The following MYH1 variants were observed in gnomAD, a reference collection of about 807,000 sequenced individuals.
The protein encoded by MYH1 is myosin-1.
In MYH1, 214 loss-of-function variants were observed where a neutral mutation model predicts 225.6. That is an observed-to-expected ratio of 0.95 (90% CI 0.85 to 1.06). The LOEUF (loss-of-function observed/expected upper bound fraction) is 1.06, where lower values mean the gene tolerates loss of function less well. Ranked by LOEUF, MYH1 falls within the 50% of genes least tolerant of loss-of-function variation. MYH1 has a pLI of 0.00. For missense variants in MYH1, 2,098 were observed against 2,344.2 expected (o/e 0.89, Z 2.17); for synonymous variants, 774 against 842.3 (o/e 0.92, Z 1.40).
intron 27 of MYH1, 69 bp downstream of exon 27, chr17:10,501,041 A>T (rs1234392345): frequency 1.9e-6 from 3 of 1,582,390 alleles, no homozygotes; most frequent in Non-Finnish European, 2.6e-6. Context: ...CGTTTTTGAG[A>T]TACAAATCAT....
rs562523213 is a variant in MYH1 at position 10,504,566 on chromosome 17, G to T, written c.2691+244C>A. Among the ~76,000 whole-genome samples the T allele has an allele frequency of 2.0e-5, 3 of 152,294 alleles. No homozygotes were observed. In the East Asian group the frequency reaches 5.8e-4, roughly 29 times the overall value. ...TCACTTTATTTCCTGTTCACATTCT[G>T]CTGTAGAAAACAACAGAGGGGAAGG... On this transcript the variant is annotated intron_variant, in intron 22 of 39. Transcript: ENST00000226207.
chr17:10,512,438 C>T lies in MYH1; in HGVS notation c.1117G>A (p.Glu373Lys). ...GNMKFKQKQR[E>K]EQAEPDGTEV... ...GTGCCATCTGGCTCAGCTTGCTCCT[C>T]ACGCTGCTTTTGCTTGAATTTCATG... Residue 373 changes from glutamate to lysine, a missense_variant, in exon 12 of 40, where the codon GAG (glutamate) becomes AAG (lysine). Glu to Lys is a moderately conservative substitution (Grantham distance 56). Transcript: ENST00000226207. 1 of 1,614,156 alleles carries T rather than the reference C, an allele frequency of 6.2e-7. No individual in the cohort carries two copies. Among genetic ancestry groups the T allele is most frequent in the Non-Finnish European group, 8.5e-7 (1 of 1,180,006 alleles).
At chr17:10,503,462 A>G (rs2073078208) in intron 22 of MYH1, among the ~76,000 whole-genome samples, 2 of 152,228 alleles carry the variant, frequency 1.3e-5, no homozygotes, top group African/African-American at 4.8e-5. Context: ...TGTTACAATT[A>G]TATTTGTTAT....
rs764922578 is a variant in MYH1 at position 10,501,505 on chromosome 17, A to G, written c.3349-6T>C. On this transcript the variant is annotated splice_polypyrimidine_tract_variant and splice_region_variant and intron_variant, in intron 26 of 39. Coordinates refer to ENST00000226207, the MANE Select transcript of MYH1 (RefSeq NM_005963.4). Reference sequence around the variant, plus strand: ...TCCAGCTCCTCAATGCGGGCCTGGGAATGGTGAAAAATATTAATACGAACT... The same window carrying G: ...TCCAGCTCCTCAATGCGGGCCTGGGGATGGTGAAAAATATTAATACGAACT... The G allele has an allele frequency of 1.2e-6, 2 of 1,614,130 alleles. No homozygotes were observed. The highest frequency in any genetic ancestry group is 1.7e-6 in the Non-Finnish European group (2 of 1,180,026).
At chr17:10,506,141 T>A (rs770942629) in intron 17 of MYH1, 42 bp from the exon 18 acceptor site, 2 of 1,605,556 alleles carry the variant, frequency 1.2e-6, no homozygotes, top group Non-Finnish European at 1.7e-6. Flanking sequence ...AATGTACTGT[T>A]TTCTACATTC....
At chr17:10,495,770 A>AAAAAAAAAAAAAAAAAAAAAAAAAG (rs2072984589) in intron 35 of MYH1, among the ~76,000 whole-genome samples, 180 bp downstream of exon 35, 1 of 149,534 alleles carries the variant, frequency 6.7e-6, no homozygotes, top group Non-Finnish European at 1.5e-5. Flanking sequence ...CAAAAAAAAA[A>AAAAAAAAAAAAAAAAAAAAAAAAAG]AAAAAATCAA....
chr17:10,512,762 G>T lies in MYH1; in HGVS notation c.927C>A (p.Asn309Lys). ...GACTGACGAAGGCATAATCGTATGG[G>T]TTGGTGGTGATCAGGAGCATTTCTG... Reference protein sequence around the residue: ...DLIEMLLITTNPYDYAFVSQG... With the variant: ...DLIEMLLITTKPYDYAFVSQG... The change falls in exon 11 of 40, where the codon AAC becomes AAA. Residue 309 changes from asparagine (N) to lysine (K), a missense_variant. Asn to Lys is a moderately conservative substitution (Grantham distance 94). Coordinates refer to ENST00000226207, the MANE Select transcript of MYH1 (RefSeq NM_005963.4). The T allele has an allele frequency of 1.9e-6, 3 of 1,614,094 alleles. No homozygotes were observed. Among genetic ancestry groups the T allele is most frequent in the Non-Finnish European group, 2.5e-6 (3 of 1,179,998 alleles).
In MYH1 at chr17:10,504,837, T is replaced by G; in HGVS notation, c.2664A>C (p.Lys888Asn). 1 of 1,614,042 alleles carries G rather than the reference T, an allele frequency of 6.2e-7. No homozygotes were observed. The highest frequency in any genetic ancestry group is 1.1e-5 in the South Asian group (1 of 91,060). Residue 888 changes from lysine to asparagine, a missense_variant, in exon 22 of 40, where the codon AAA becomes AAC. Coordinates refer to ENST00000226207, the MANE Select transcript of MYH1 (RefSeq NM_005963.4). ...EEKMVTLMQE[K>N]NDLQLQVQAE... is the part of the protein sequence containing the mutation. ...CTTGAACCTGGAGTTGCAAGTCATT[T>G]TTTTCTTGCATCAGAGTAACCATTT... is the stretch of plus-strand genomic sequence containing the variant.
At chr17:10,507,052 A>G (rs2073119522) in intron 17 of MYH1, among the ~76,000 whole-genome samples, 1 of 152,048 alleles carries the variant, frequency 6.6e-6, no homozygotes, top group Non-Finnish European at 1.5e-5. Context: ...GGGATTGCCA[A>G]AAGAAAAATA....
At chr17:10,505,123 C>T (rs1027444255) in intron 21 of MYH1, 40 bp downstream of exon 21, 13 of 1,613,278 alleles carry the variant, frequency 8.1e-6, no homozygotes, top group Non-Finnish European at 1.0e-5. Context: ...AATTAAAACA[C>T]CTAAGATGAT....
chr17:10,515,301 C>T (rs964929414), intron 5 of MYH1, among the ~76,000 whole-genome samples: 2 of 152,174 alleles, frequency 1.3e-5, no homozygotes, highest in Non-Finnish European at 2.9e-5. Context: ...TCAATATAGC[C>T]CTAACTTCGA....
In MYH1 at chr17:10,506,329, C is replaced by T. The variant is rs186507691; in HGVS notation, c.1969-230G>A. Among the ~76,000 whole-genome samples, 55 of 152,112 alleles carry T rather than the reference C, an allele frequency of 3.6e-4. No individual in the cohort carries two copies. The East Asian group carries it at 4.1e-3, about 11-fold the overall frequency. On this transcript the variant is annotated intron_variant, in intron 17 of 39. Coordinates refer to ENST00000226207, the MANE Select transcript of MYH1 (RefSeq NM_005963.4). ...TCTACTTGCTGTTGAAGTGACTGTT[C>T]GCTGCTGTTTAATTTCCTAGTATAT...
chr17:10,506,235 A>C, intron 17 of MYH1, 136 bp from the exon 18 acceptor site: 1 of 1,125,940 alleles, frequency 8.9e-7, no homozygotes, highest in Non-Finnish European at 1.3e-6. Flanking sequence ...TCAAAGAGTT[A>C]TCTCTGGAAT....
chr17:10,511,791 A>C, intron 14 of MYH1, 48 bp downstream of exon 14: 1 of 1,613,564 alleles, frequency 6.2e-7, no homozygotes, highest in East Asian at 2.2e-5. Context: ...TGCAGCAACA[A>C]GCTTGCTTGT....
Position 10,497,126 on chromosome 17 carries a change from TA to T in MYH1, c.4598del (p.Ile1533LysfsTer16), listed in dbSNP as rs1329881086. 1.9e-6 allele frequency: 3 copies of T among 1,614,180 alleles called. No homozygotes were observed. In the African/African-American group the frequency reaches 4.0e-5, roughly 22 times the overall value. ...GGKRIHELEK[I>X]KKQVEQEKSE... ...ACTTTTCTTGCTCAACTTGCTTCTTTATTTTTTCCAGTTCATGGATGCGCTT... is the reference window on the plus strand; with the variant it reads ...ACTTTTCTTGCTCAACTTGCTTCTTTTTTTTTCCAGTTCATGGATGCGCTT... On this transcript the variant is annotated frameshift_variant, in exon 33 of 40. Transcript: ENST00000226207. LOFTEE classifies it high-confidence loss of function.
intron 37 of MYH1, 105 bp downstream of exon 37, chr17:10,494,826 T>C (rs1359752807): frequency 1.9e-6 from 3 of 1,597,850 alleles, no homozygotes; most frequent in Non-Finnish European, 2.6e-6. Flanking sequence ...AGGGAATAGC[T>C]CTCCCTCATC....
chr17:10,502,636 AGGCAC>A, intron 24 of MYH1, 97 bp downstream of exon 24: 1 of 1,524,212 alleles, frequency 6.6e-7, no homozygotes, highest in Non-Finnish European at 9.0e-7. Context: ...CATTCATAGG[AGGCAC>A]TTGATAAGTA....
chr17:10,512,029 A>T (rs1176588685), intron 13 of MYH1, 41 bp from the exon 14 acceptor site: 3 of 1,614,132 alleles, frequency 1.9e-6, no homozygotes, highest in Non-Finnish European at 2.5e-6. Flanking sequence ...AAGACATGTC[A>T]TGAAGGCCTG....
chr17:10,498,948 T>C (rs1335577499), intron 29 of MYH1, 26 bp downstream of exon 29: 1 of 1,602,346 alleles, frequency 6.2e-7, no homozygotes, highest in Non-Finnish European at 8.5e-7. Context: ...AGAACAATAA[T>C]GACAAGAATG....
Sources: gnomAD v4.1 joint callset for allele counts (sites outside exome capture counted in the v4.1 genomes callset) on GRCh38, gnomAD v4.1.1 for gene constraint, MANE v1.5 for transcripts, NCBI Gene and HGNC (gene_info 2026-07-23, HGNC 2026-07-21) for gene names.